The following PHC1 variants were observed in gnomAD, a reference collection of about 807,000 sequenced individuals.
PHC1 encodes the protein polyhomeotic homolog 1.
In PHC1, 12 loss-of-function variants were observed where a neutral mutation model predicts 104.3. That is an observed-to-expected ratio of 0.12 (90% CI 0.07 to 0.19). PHC1 has a LOEUF of 0.19. PHC1 is among the 10% of genes least tolerant of loss of function. The pLI is 1.00. For missense variants in PHC1, 671 were observed against 1,200.0 expected, an observed-to-expected ratio of 0.56 and a Z score of 6.51; for synonymous variants, 302 against 455.8, an observed-to-expected ratio of 0.66 and a Z score of 4.30.
At chr12:8,937,768 A>G (rs1420751740) in intron 13 of PHC1, 61 bp from the exon 14 acceptor site, 6 of 1,358,648 alleles carry the variant, frequency 4.4e-6, no homozygotes, top group Non-Finnish European at 5.2e-6. Flanking sequence ...TGGTTTGGGA[A>G]GAAAGAGAGA....
chr12:8,927,282 G>C (rs1329207543), intron 6 of PHC1, among the ~76,000 whole-genome samples: 1 of 152,128 alleles, frequency 6.6e-6, no homozygotes, highest in East Asian at 1.9e-4. Context: ...TGAATGGCTG[G>C]TGGGAATGAA....
At chr12:8,925,181 G>GT (rs1486664298) in intron 6 of PHC1, among the ~76,000 whole-genome samples, 4 of 152,160 alleles carry the variant, frequency 2.6e-5, no homozygotes, top group African/African-American at 9.6e-5. Context: ...TTCTGTTATC[G>GT]TTTTTTTCAT....
intron 6 of PHC1, among the ~76,000 whole-genome samples, chr12:8,926,562 A>C (rs1945517181): frequency 6.6e-6 from 1 of 151,512 alleles, no homozygotes; most frequent in South Asian, 2.1e-4. Flanking sequence ...TGGAGGTTGC[A>C]GTGAGCCAAG....
chr12:8,928,285 A>G (rs992141773), intron 6 of PHC1, among the ~76,000 whole-genome samples: 8 of 152,142 alleles, frequency 5.3e-5, no homozygotes, highest in Non-Finnish European at 1.2e-4. Context: ...TACTATCAGG[A>G]AACTTTTACT....
intron 6 of PHC1, among the ~76,000 whole-genome samples, chr12:8,923,634 C>G (rs944752587): frequency 3.3e-5 from 5 of 151,992 alleles, no homozygotes; most frequent in African/African-American, 1.2e-4. Context: ...CGAGACCATC[C>G]TGGCTAACAT....
chr12:8,922,550 G>T (rs1474771623), intron 5 of PHC1, 83 bp from the exon 6 acceptor site: 11 of 1,229,750 alleles, frequency 8.9e-6, no homozygotes, highest in Middle Eastern at 2.3e-4. Flanking sequence ...TGTTTATTTT[G>T]TCTTGTGGTC....
chr12:8,939,462 T>G lies in PHC1; in HGVS notation c.*3T>G. The G allele has an allele frequency of 6.5e-7, 1 of 1,530,828 alleles. No homozygotes were observed. The highest frequency in any genetic ancestry group is 8.9e-7 in the Non-Finnish European group (1 of 1,125,638). 94.8% of individuals were successfully genotyped at this position (1,530,828 alleles called of 1,614,324 possible). A position where few individuals can be genotyped will look rare whatever the true frequency, so the allele number is the denominator to read the frequency against. ...TAAATGTCCTCAAGGAGACCTAAGG[T>G]GGCCCTCTTGCACAAACCAGCCTAA... On this transcript the variant is annotated 3_prime_UTR_variant, in exon 15 of 15. Transcript: ENST00000544916.
rs1423228598 is a variant in PHC1 at position 8,934,471 on chromosome 12, C to G, written c.2246C>G (p.Pro749Arg). The G allele has an allele frequency of 1.2e-6, 2 of 1,612,788 alleles. No individual in the cohort carries two copies. Among genetic ancestry groups the G allele is most frequent in the Middle Eastern group, 1.7e-4 (1 of 6,060 alleles). ...TTTGTTATCCAGGAAGGAGCAGAAC[C>G]TTTCCCGGTGAGGGCAGGGCCATAA... ...EGFVIQEGAE[P>R]FPVGCSQLLK... Residue 749 changes from proline to arginine, a missense_variant, in exon 10 of 15, where the codon CCT (proline) becomes CGT (arginine). Around this residue, in one of 9 missense-constraint regions of PHC1, gnomAD observed 192 missense variants for 280.5 expected, o/e 0.68. Coordinates refer to ENST00000544916, the MANE Select transcript of PHC1 (RefSeq NM_004426.3).
intron 6 of PHC1, among the ~76,000 whole-genome samples, chr12:8,925,194 G>A (rs1198279711): frequency 6.6e-6 from 1 of 152,106 alleles, no homozygotes; most frequent in East Asian, 1.9e-4. Flanking sequence ...TTTTTCATCT[G>A]TAAAATAGGT....
At chr12:8,938,787 T>A (rs1414219322) in intron 14 of PHC1, among the ~76,000 whole-genome samples, 2 of 152,086 alleles carry the variant, frequency 1.3e-5, no homozygotes, top group Non-Finnish European at 2.9e-5. Context: ...GTTGAACAAT[T>A]TAGTTGCTTT....
At chr12:8,917,829 T>C in intron 2 of PHC1, 38 bp downstream of exon 2, 2 of 1,112,902 alleles carry the variant, frequency 1.8e-6, no homozygotes, top group South Asian at 2.9e-5. Flanking sequence ...TCTGTGAGTC[T>C]TGGCTTGTGG....
Sources: gnomAD v4.1 joint callset for allele counts (sites outside exome capture counted in the v4.1 genomes callset) on GRCh38, gnomAD v4.1.1 for gene constraint, gnomAD v4.1.1 regional missense constraint, MANE v1.5 for transcripts, NCBI Gene and HGNC (gene_info 2026-07-23, HGNC 2026-07-21) for gene names.